PTPRD: variants seen among roughly 807,000 people sequenced by gnomAD.
PTPRD encodes the protein receptor-type tyrosine-protein phosphatase delta.
In PTPRD, 34 loss-of-function variants were observed where a neutral mutation model predicts 214.5. The observed-to-expected ratio is 0.16, with a 90% CI of 0.12 to 0.21. The LOEUF is 0.21. PTPRD is among the 10% of genes least tolerant of loss of function. The pLI is 1.00. For synonymous variants in PTPRD, 1,128 were observed against 845.7 expected (o/e 1.33, Z -5.79); for missense variants, 2,545 against 2,398.7 (o/e 1.06, Z -1.27).
At chr9:9,549,805 T>TAAATACA (rs1257004379) in intron 8 of PTPRD, among the ~76,000 whole-genome samples, 2 of 152,026 alleles carry the variant, frequency 1.3e-5, no homozygotes, top group African/African-American at 4.8e-5. Context: ...AGAATAGTCT[T>TAAATACA]AAATACAAAA....
At chr9:9,822,297 G>C (rs2051044882) in intron 5 of PTPRD, among the ~76,000 whole-genome samples, 1 of 151,470 alleles carries the variant, frequency 6.6e-6, no homozygotes, top group South Asian at 2.1e-4. Flanking sequence ...TGTAGTTCCA[G>C]CTACTATGGA....
intron 11 of PTPRD, among the ~76,000 whole-genome samples, chr9:8,985,644 A>T (rs376240695): frequency 1.4e-3 from 201 of 144,778 alleles, no homozygotes; most frequent in Middle Eastern, 3.7e-3. Flanking sequence ...GCCTTTTACA[A>T]AAAAAAAAAA....
At chr9:9,566,069 G>C (rs942750386) in intron 8 of PTPRD, among the ~76,000 whole-genome samples, 3 of 151,578 alleles carry the variant, frequency 2.0e-5, no homozygotes, top group African/African-American at 7.3e-5. Flanking sequence ...GTTAGGGCTT[G>C]CTTTTTTATT....
chr9:9,233,736 A>G (rs2099964673), intron 9 of PTPRD, among the ~76,000 whole-genome samples: 1 of 152,218 alleles, frequency 6.6e-6, no homozygotes, highest in East Asian at 1.9e-4. Context: ...CTGAAATCCA[A>G]TAGGGAAGTC....
chr9:9,714,037 T>C (rs920761808), intron 7 of PTPRD, among the ~76,000 whole-genome samples: 2 of 144,364 alleles, frequency 1.4e-5, no homozygotes, highest in Non-Finnish European at 3.0e-5. Context: ...TGCAGATATA[T>C]AAATGGCACA....
intron 4 of PTPRD, among the ~76,000 whole-genome samples, chr9:9,980,428 T>G (rs1231969056): frequency 6.6e-6 from 1 of 151,478 alleles, no homozygotes; most frequent in Admixed American, 6.6e-5. Context: ...GCCAACTTGG[T>G]GAAACTCCGT....
At position 9,665,390 on chromosome 9, in the gene PTPRD, T is replaced by C. The variant is rs2096702501; in HGVS notation, c.-287+69143A>G. Among the ~76,000 whole-genome samples the C allele has an allele frequency of 3.9e-5, 6 of 151,904 alleles. No homozygotes were observed. The South Asian group carries it at 1.0e-3, about 26-fold the overall frequency. On this transcript the variant is annotated intron_variant, in intron 7 of 45. Transcript: ENST00000381196. ...ATCAGAGTATTTTTAAAGGACAAAA[T>C]AGATGTTTTTTATTTAATATCAAAA... is the stretch of plus-strand genomic sequence containing the variant.
intron 8 of PTPRD, among the ~76,000 whole-genome samples, chr9:9,495,650 C>A (rs1357333204): frequency 6.6e-6 from 1 of 152,110 alleles, no homozygotes; most frequent in Non-Finnish European, 1.5e-5. Flanking sequence ...CGCCCCGACT[C>A]CCCTCTCTGC....
intron 10 of PTPRD, among the ~76,000 whole-genome samples, chr9:9,032,681 A>G: frequency 6.6e-6 from 1 of 152,092 alleles, no homozygotes; most frequent in East Asian, 1.9e-4. Flanking sequence ...TCTGCTGGGA[A>G]GAACTTGTAT....
At chr9:8,378,926 T>C (rs2084080324) in intron 37 of PTPRD, among the ~76,000 whole-genome samples, 1 of 152,070 alleles carries the variant, frequency 6.6e-6, no homozygotes, top group African/African-American at 2.4e-5. Context: ...AAAATTATAC[T>C]AATCCTTACA....
At chr9:10,232,108 C>T (rs1028261286) in intron 3 of PTPRD, among the ~76,000 whole-genome samples, 1 of 150,006 alleles carries the variant, frequency 6.7e-6, no homozygotes, top group African/African-American at 2.5e-5. Context: ...CCCCTTTGAC[C>T]TTCTATCATA....
chr9:9,489,221 G>A (rs996461275), intron 8 of PTPRD, among the ~76,000 whole-genome samples: 2 of 152,156 alleles, frequency 1.3e-5, no homozygotes, highest in African/African-American at 2.4e-5. Context: ...ACCTGCAACT[G>A]ATCCTTGGAA....
At chr9:9,698,467 G>A (rs1190044480) in intron 7 of PTPRD, among the ~76,000 whole-genome samples, 2 of 152,160 alleles carry the variant, frequency 1.3e-5, no homozygotes, top group African/African-American at 2.4e-5. Context: ...AGTATGAGAA[G>A]ACTGGGTAGG....
chr9:8,707,426 G>T (rs1007906440), intron 12 of PTPRD, among the ~76,000 whole-genome samples: 1 of 152,238 alleles, frequency 6.6e-6, no homozygotes, highest in Non-Finnish European at 1.5e-5. Flanking sequence ...TTACTTCAGA[G>T]TAACCATGTA....
At chr9:8,848,256 A>G (rs10759001) in intron 11 of PTPRD, among the ~76,000 whole-genome samples, 31,242 of 150,278 alleles carry the variant, frequency 0.21, 3,949 homozygotes, top group South Asian at 0.35. Flanking sequence ...AAGGAACAGA[A>G]GATACTCTTC....
At chr9:8,893,725 A>G (rs1429432001) in intron 11 of PTPRD, among the ~76,000 whole-genome samples, 1 of 152,176 alleles carries the variant, frequency 6.6e-6, no homozygotes, top group Non-Finnish European at 1.5e-5. Context: ...TCAATAAGAT[A>G]CACATTTGAA....
chr9:8,565,645 G>A (rs1184503716), intron 14 of PTPRD, among the ~76,000 whole-genome samples: 1 of 151,974 alleles, frequency 6.6e-6, no homozygotes, highest in Non-Finnish European at 1.5e-5. Context: ...CATCTAAAAT[G>A]GACATCAAGA....
intron 11 of PTPRD, among the ~76,000 whole-genome samples, chr9:8,891,438 A>ATTT (rs201289782): frequency 1.9e-4 from 27 of 145,342 alleles, no homozygotes; most frequent in Admixed American, 3.4e-4. Context: ...GGTCAATCTA[A>ATTT]TTTTTTTTTT....
At chr9:10,120,547 A>T (rs1373300292) in intron 3 of PTPRD, among the ~76,000 whole-genome samples, 1 of 152,060 alleles carries the variant, frequency 6.6e-6, no homozygotes, top group Non-Finnish European at 1.5e-5. Context: ...TGCACTTTGA[A>T]GTAAGCTTAT....
Sources: gnomAD v4.1 joint callset for allele counts (sites outside exome capture counted in the v4.1 genomes callset) on GRCh38, gnomAD v4.1.1 for gene constraint, MANE v1.5 for transcripts, NCBI Gene and HGNC (gene_info 2026-07-23, HGNC 2026-07-21) for gene names.